The following ARL5C variants were observed in gnomAD, a reference collection of about 807,000 sequenced individuals.
The protein encoded by ARL5C is ARF like GTPase 5C, also known as putative ADP-ribosylation factor-like protein 5C.
A neutral mutation model predicts 20.8 loss-of-function variants in ARL5C; 21 were observed. The ratio of observed to expected loss-of-function variants is 1.01; its 90% CI spans 0.72 to 1.46. The LOEUF (loss-of-function observed/expected upper bound fraction) is 1.46, where lower values mean the gene tolerates loss of function less well. Among genes scored for constraint, ARL5C ranks in the 40% most tolerant of loss-of-function variants. The pLI is 0.00. For missense variants in ARL5C, 199 were observed against 225.1 expected (o/e 0.88, Z 0.74); for synonymous variants, 71 against 81.6 (o/e 0.87, Z 0.70).
rs113726951 is a variant in ARL5C, at chr17:39,158,135, G to A, written c.492-1193C>T. Among the ~76,000 whole-genome samples the A allele has an allele frequency of 2.6e-3, 348 of 135,056 alleles. 1 individual carries two copies. The highest frequency in any genetic ancestry group is 0.01 in the African/African-American group (337 of 32,288). The allele number at this position is 135,056 out of a possible 152,430, so 88.6% of individuals were successfully genotyped here. A position where few individuals can be genotyped will look rare whatever the true frequency, so the allele number is the denominator to read the frequency against. On this transcript the variant is annotated intron_variant, in intron 5 of 5. Transcript: ENST00000269586. ...AGGGAGGGAGGGAGGGAGGGAGGAA[G>A]GAAGGAAGGAAGGAAGAGAGGGAGG... is the stretch of plus-strand genomic sequence containing the variant.
At chr17:39,163,580 C>CG (rs1323313040) in intron 2 of ARL5C, among the ~76,000 whole-genome samples, 1 of 151,464 alleles carries the variant, frequency 6.6e-6, no homozygotes, top group African/African-American at 2.4e-5. Context: ...TTTGTAGAAA[C>CG]GGGGTTTCGC....
At chr17:39,162,387 GCCTCC>G (rs1597668569) in intron 3 of ARL5C, among the ~76,000 whole-genome samples, 1 of 152,042 alleles carries the variant, frequency 6.6e-6, no homozygotes, top group East Asian at 1.9e-4. Flanking sequence ...TGCAACCTCT[GCCTCC>G]CAGGTTCAAG....
chr17:39,165,494 AAGG>A, intron 1 of ARL5C: 3 of 611,262 alleles, frequency 4.9e-6, no homozygotes, highest in Non-Finnish European at 8.6e-6. Flanking sequence ...AGCGGGGAGA[AAGG>A]AGGGTCGCCC....
chr17:39,165,473 T>C, intron 1 of ARL5C: 1 of 597,490 alleles, frequency 1.7e-6, no homozygotes, highest in South Asian at 2.1e-5. Context: ...TCCCCGCCGC[T>C]GGCTCCGTTT....
intron 5 of ARL5C, among the ~76,000 whole-genome samples, chr17:39,158,306 T>C (rs2045417179): frequency 6.6e-6 from 1 of 151,886 alleles, no homozygotes; most frequent in Non-Finnish European, 1.5e-5. Context: ...GCCTAAAGTC[T>C]CCCCTTCTTC....
chr17:39,156,892 C>T (rs755659222), downstream of ARL5C: 24 of 1,551,860 alleles, frequency 1.5e-5, no homozygotes, highest in Non-Finnish European at 1.9e-5. Context: ...CAGACTGGAA[C>T]ATCAGTTAGC....
Position 39,165,810 on chromosome 17 carries a change from C to A in ARL5C, c.-50G>T, listed in dbSNP as rs2045460820. On this transcript the variant is annotated 5_prime_UTR_variant, in exon 1 of 6. Coordinates refer to ENST00000269586, the MANE Select transcript of ARL5C (RefSeq NM_001143968.1). ...CAGGAGGGCTCAGCGGCCTCAGGAG[C>A]GGAGTCGGCCCTGGTATTCGGAGCT... is the stretch of plus-strand genomic sequence containing the variant. 6.5e-7 allele frequency: 1 copy of A among 1,548,392 alleles called. No homozygotes were observed. The highest frequency in any genetic ancestry group is 8.7e-7 in the Non-Finnish European group (1 of 1,144,676).
chr17:39,165,501 G>A, intron 1 of ARL5C: 1 of 619,902 alleles, frequency 1.6e-6, no homozygotes, highest in Non-Finnish European at 2.8e-6. Flanking sequence ...AGAAAGGAGG[G>A]TCGCCCAGCT....
chr17:39,163,473 G>A (rs781576542), intron 2 of ARL5C, among the ~76,000 whole-genome samples: 8 of 148,896 alleles, frequency 5.4e-5, no homozygotes, highest in Non-Finnish European at 8.9e-5. Context: ...GTGTAGGTAC[G>A]ATCATGTCTC....
At position 39,161,250 on chromosome 17, in the gene ARL5C, C is replaced by T. The variant is rs1306183736; in HGVS notation, c.339+18G>A. The T allele has an allele frequency of 6.4e-7, 1 of 1,550,794 alleles. No individual in the cohort carries two copies. Among genetic ancestry groups the T allele is most frequent in the East Asian group, 2.4e-5 (1 of 40,998 alleles). ...CAGCTAGTACCACTGGGCCCTCTCCCAACTGCAGGGGGCTTACCTCATGGG... is the reference window on the plus strand; with the variant it reads ...CAGCTAGTACCACTGGGCCCTCTCCTAACTGCAGGGGGCTTACCTCATGGG... On this transcript the variant is annotated intron_variant, in intron 4 of 5. Transcript: ENST00000269586.
intron 3 of ARL5C, among the ~76,000 whole-genome samples, chr17:39,161,955 C>T (rs906348264): frequency 1.3e-5 from 2 of 152,154 alleles, no homozygotes; most frequent in African/African-American, 4.8e-5. Context: ...GTTAGTATCC[C>T]CATTTTACAA....
intron 5 of ARL5C, among the ~76,000 whole-genome samples, chr17:39,157,351 G>A (rs1414268459): frequency 6.6e-6 from 1 of 152,322 alleles, no homozygotes; most frequent in East Asian, 1.9e-4. Context: ...ATTCTTCACG[G>A]TGATCTGTGC....
intron 2 of ARL5C, among the ~76,000 whole-genome samples, chr17:39,164,631 T>C (rs1030541540): frequency 2.0e-5 from 3 of 152,164 alleles, no homozygotes; most frequent in South Asian, 4.1e-4. Flanking sequence ...CGGGGAAAGC[T>C]GCGATCGGTA....
Position 39,165,088 on chromosome 17 carries a change from A to C in ARL5C, c.98T>G (p.Leu33Arg). 6.4e-7 allele frequency: 1 copy of C among 1,551,678 alleles called. No homozygotes were observed. The highest frequency in any genetic ancestry group is 8.7e-7 in the Non-Finnish European group (1 of 1,146,982). ...GLDNEGKTTI[L>R]YRFLTNEVVH... is the part of the protein sequence containing the mutation. The stretch of plus-strand genomic sequence containing the variant: ...CCCGAGAGTCACTTACAACCGGTAG[A>C]GAATGGTGGTCTTTCCTTCATTGTC... Residue 33 changes from leucine to arginine, a missense_variant, in exon 2 of 6, where the codon CTC becomes CGC. Transcript: ENST00000269586.
chr17:39,165,317 A>G (rs1275662700), intron 1 of ARL5C, 178 bp from the exon 2 acceptor site: 1 of 637,280 alleles, frequency 1.6e-6, no homozygotes, highest in Non-Finnish European at 2.7e-6. Context: ...GGGACGGTGG[A>G]AAAGACAGCT....
Position 39,160,644 on chromosome 17 carries a change from G to A in ARL5C, c.438C>T (p.Thr146=). Reference sequence around the variant, plus strand: ...GTATATGCCACGAGTGGTCTTTGATGGTGCTGAGAGTAAGGAAATGGGAGA... The same window carrying A: ...GTATATGCCACGAGTGGTCTTTGATAGTGCTGAGAGTAAGGAAATGGGAGA... ...VEISHFLTLS[T]IKDHSWHIQG... The change falls in exon 5 of 6, where the codon ACC becomes ACT. Residue 146 remains threonine, a synonymous_variant. Coordinates refer to ENST00000269586, the MANE Select transcript of ARL5C (RefSeq NM_001143968.1). 1 of 1,550,050 alleles carries A rather than the reference G, an allele frequency of 6.5e-7. No individual in the cohort carries two copies. Among genetic ancestry groups the A allele is most frequent in the Non-Finnish European group, 8.7e-7 (1 of 1,146,408 alleles).
rs530682356 is a variant in ARL5C at position 39,157,588 on chromosome 17, G to A, written c.492-646C>T. ...GTGGATCACCTGAGGTCGGGAATTC[G>A]AGACCAGCCTGACCAACATGGAGAA... On this transcript the variant is annotated intron_variant, in intron 5 of 5. Coordinates refer to ENST00000269586, the MANE Select transcript of ARL5C (RefSeq NM_001143968.1). Among the ~76,000 whole-genome samples the A allele has an allele frequency of 7.9e-5, 12 of 151,736 alleles. No homozygotes were observed. In the South Asian group the frequency reaches 1.9e-3, roughly 24 times the overall value.
At chr17:39,159,961 C>G (rs749903979) in intron 5 of ARL5C, among the ~76,000 whole-genome samples, 11 of 152,206 alleles carry the variant, frequency 7.2e-5, no homozygotes, top group Non-Finnish European at 1.6e-4. Context: ...GCCCTGACCA[C>G]CAGAACTAAA....
rs892550567 is a variant in ARL5C at position 39,165,890 on chromosome 17, C to A, written c.-130G>T. ...TGCCTACGAAGTTAGGGAAGCCCCACACGTCACCAACCTGACCTGGGAACC... is the reference window on the plus strand; with the variant it reads ...TGCCTACGAAGTTAGGGAAGCCCCAAACGTCACCAACCTGACCTGGGAACC... On this transcript the variant is annotated 5_prime_UTR_variant, in exon 1 of 6. Coordinates refer to ENST00000269586, the MANE Select transcript of ARL5C (RefSeq NM_001143968.1). 28 of 1,083,534 alleles carry A rather than the reference C, an allele frequency of 2.6e-5. No homozygotes were observed. Among genetic ancestry groups the A allele is most frequent in the Non-Finnish European group, 3.5e-5 (26 of 741,474 alleles). The allele number at this position is 1,083,534 out of a possible 1,614,324, so 67.1% of individuals were successfully genotyped here. A position where few individuals can be genotyped will look rare whatever the true frequency, so the allele number is the denominator to read the frequency against.
Sources: allele counts gnomAD v4.1 joint callset (sites outside exome capture counted in the v4.1 genomes callset), GRCh38; gene constraint gnomAD v4.1.1; transcripts MANE v1.5; gene names NCBI Gene and HGNC (gene_info 2026-07-23, HGNC 2026-07-21).